Variants in ABCG2 observed in about 807,000 individuals in gnomAD.
ABCG2 encodes broad substrate specificity ATP-binding cassette transporter ABCG2.
ABCG2 carries 80 observed loss-of-function variants against 73.5 expected under a neutral mutation model. The ratio of observed to expected loss-of-function variants is 1.09; its 90% confidence interval spans 0.91 to 1.31. The LOEUF is 1.31. ABCG2 is among the 50% of genes most tolerant of loss of function. ABCG2 has a pLI of 0.00. For missense variants in ABCG2, 796 were observed against 786.2 expected (o/e 1.01, Z -0.15); for synonymous variants, 269 against 282.4 (o/e 0.95, Z 0.48).
At position 88,097,578 on chromosome 4, in the gene ABCG2, C is replaced by T. The variant is rs1360104184; in HGVS notation, c.1522G>A (p.Val508Ile). The part of the protein sequence containing the change: ...GLKPKADAFF[V>I]MMFTLMMVAY... Reference sequence around the variant, plus strand: ...ACCATCATAAGGGTAAACATCATAACGAAGAAGGCATCTGCCTTTGGCTTC... The same window carrying T: ...ACCATCATAAGGGTAAACATCATAATGAAGAAGGCATCTGCCTTTGGCTTC... Residue 508 changes from valine to isoleucine, a missense_variant, in exon 13 of 16, where the codon GTT becomes ATT. Coordinates refer to ENST00000237612, the MANE Select transcript of ABCG2 (RefSeq NM_004827.3). 18 of 1,613,944 alleles carry T rather than the reference C, an allele frequency of 1.1e-5. No individual in the cohort carries two copies. The highest frequency in any genetic ancestry group is 2.2e-5 in the East Asian group (1 of 44,884).
intron 9 of ABCG2, among the ~76,000 whole-genome samples, chr4:88,110,460 T>G (rs1370646400): frequency 6.6e-6 from 1 of 152,100 alleles, no homozygotes; most frequent in Non-Finnish European, 1.5e-5. Flanking sequence ...GGAGAATTGC[T>G]TGAACCCGGG....
At chr4:88,097,640 ACTG>A in intron 12 of ABCG2, 33 bp from the exon 13 acceptor site, 1 of 1,609,212 alleles carries the variant, frequency 6.2e-7, no homozygotes. Context: ...AGTTAACCCA[ACTG>A]CCTAGGTCAC....
chr4:88,128,228 T>C (rs957950493), intron 5 of ABCG2, among the ~76,000 whole-genome samples: 15 of 152,306 alleles, frequency 9.8e-5, no homozygotes, highest in African/African-American at 3.4e-4. Flanking sequence ...TAAGATACCA[T>C]CTCATGCCAG....
intron 1 of ABCG2, among the ~76,000 whole-genome samples, chr4:88,221,337 C>T (rs970445657): frequency 2.6e-5 from 4 of 152,072 alleles, no homozygotes; most frequent in Admixed American, 2.0e-4. Context: ...AGCATGAGAA[C>T]GGACTAATAC....
chr4:88,169,046 C>CTTT (rs55711211), intron 1 of ABCG2, among the ~76,000 whole-genome samples: 11 of 138,866 alleles, frequency 7.9e-5, no homozygotes, highest in Non-Finnish European at 9.2e-5. Context: ...AAGTAGTTAT[C>CTTT]TTTTTTTTTT....
At chr4:88,212,360 C>T (rs575578052) in intron 1 of ABCG2, among the ~76,000 whole-genome samples, 1 of 152,220 alleles carries the variant, frequency 6.6e-6, no homozygotes, top group Non-Finnish European at 1.5e-5. Context: ...CCGCCTGTAT[C>T]AGTAATTGTA....
chr4:88,182,649 G>A (rs899713824), intron 1 of ABCG2, among the ~76,000 whole-genome samples: 2 of 152,150 alleles, frequency 1.3e-5, no homozygotes, highest in African/African-American at 2.4e-5. Flanking sequence ...GCTCCTGAAT[G>A]ACTAGTGGGT....
At chr4:88,197,859 G>A (rs10022955) in intron 1 of ABCG2, among the ~76,000 whole-genome samples, 58,823 of 151,014 alleles carry the variant, frequency 0.39, 12,760 homozygotes, top group East Asian at 0.66. Flanking sequence ...TGGTGAAACC[G>A]TCTCTACTAA....
intron 10 of ABCG2, among the ~76,000 whole-genome samples, chr4:88,103,829 C>T (rs1722603867): frequency 6.6e-6 from 1 of 152,220 alleles, no homozygotes; most frequent in Non-Finnish European, 1.5e-5. Flanking sequence ...CTGTGCTTAG[C>T]TTTCTGCGTT....
intron 1 of ABCG2, among the ~76,000 whole-genome samples, chr4:88,178,646 T>TA (rs761690486): frequency 6.6e-6 from 1 of 152,158 alleles, no homozygotes; most frequent in African/African-American, 2.4e-5. Context: ...CCTTGGTTCT[T>TA]AAACAATATT....
At chr4:88,153,481 T>C (rs1011331589) in intron 1 of ABCG2, among the ~76,000 whole-genome samples, 3 of 145,538 alleles carry the variant, frequency 2.1e-5, no homozygotes, top group African/African-American at 7.4e-5. Flanking sequence ...GTGGCTGAGC[T>C]TGGTGAGGTG....
At chr4:88,224,242 C>T (rs1730114957) in intron 1 of ABCG2, among the ~76,000 whole-genome samples, 2 of 152,064 alleles carry the variant, frequency 1.3e-5, no homozygotes, top group African/African-American at 4.8e-5. Flanking sequence ...TTGAGCTCAG[C>T]CTGGGCAACA....
intron 1 of ABCG2, among the ~76,000 whole-genome samples, chr4:88,166,074 C>T (rs765640620): frequency 3.3e-5 from 5 of 152,100 alleles, no homozygotes; most frequent in Non-Finnish European, 7.4e-5. Context: ...CACTGGCACC[C>T]ACTGAGTTGG....
At chr4:88,102,171 C>A (rs1290587626) in intron 10 of ABCG2, among the ~76,000 whole-genome samples, 5 of 152,176 alleles carry the variant, frequency 3.3e-5, no homozygotes, top group Non-Finnish European at 7.3e-5. Flanking sequence ...AGACAGCCAG[C>A]CCTCTATGAG....
chr4:88,099,175 T>C lies in ABCG2; in HGVS notation c.1492+149A>G, dbSNP rs945778241. On this transcript the variant is annotated intron_variant, in intron 12 of 15. Transcript: ENST00000237612. Reference sequence around the variant, plus strand: ...AAAAATAGCTGACAGTGAACAACTGTTTCAGAGAGTGCAAAATGGACAGGT... The same window carrying C: ...AAAAATAGCTGACAGTGAACAACTGCTTCAGAGAGTGCAAAATGGACAGGT... 4 of 704,082 alleles carry C rather than the reference T, an allele frequency of 5.7e-6. No homozygotes were observed. In the African/African-American group the frequency reaches 7.3e-5, roughly 13 times the overall value. 43.6% of individuals were successfully genotyped at this position (704,082 alleles called of 1,614,324 possible). A position where few individuals can be genotyped will look rare whatever the true frequency, so the allele number is the denominator to read the frequency against.
intron 1 of ABCG2, among the ~76,000 whole-genome samples, chr4:88,183,002 T>G (rs1046073439): frequency 5.6e-5 from 8 of 142,994 alleles, no homozygotes; most frequent in Admixed American, 5.3e-4. Flanking sequence ...GGAGAATCAC[T>G]TGAACCCAGG....
chr4:88,189,536 A>C (rs1040043341), intron 1 of ABCG2, among the ~76,000 whole-genome samples: 17 of 151,506 alleles, frequency 1.1e-4, no homozygotes, highest in African/African-American at 3.9e-4. Context: ...TAAATAAATA[A>C]ATAAATAAAT....
chr4:88,207,379 G>A (rs980971480), intron 1 of ABCG2, among the ~76,000 whole-genome samples: 37 of 152,158 alleles, frequency 2.4e-4, no homozygotes, highest in Middle Eastern at 3.4e-3. Flanking sequence ...TTCCTGTGAC[G>A]TGGCATAAAC....
intron 1 of ABCG2, among the ~76,000 whole-genome samples, chr4:88,185,073 G>A (rs1195443967): frequency 6.6e-6 from 1 of 152,058 alleles, no homozygotes; most frequent in Non-Finnish European, 1.5e-5. Context: ...TTAAATATAA[G>A]ACCTCATGGA....
Sources: gnomAD v4.1 joint callset for allele counts (sites outside exome capture counted in the v4.1 genomes callset) on GRCh38, gnomAD v4.1.1 for gene constraint, MANE v1.5 for transcripts, NCBI Gene and HGNC (gene_info 2026-07-23, HGNC 2026-07-21) for gene names.